Variants in MYT1L observed in about 807,000 individuals in gnomAD.
The protein encoded by MYT1L is myelin transcription factor 1 like, also known as myelin transcription factor 1-like protein.
A neutral mutation model predicts 126.7 loss-of-function variants in MYT1L; 12 were observed. The observed-to-expected ratio is 0.09, with a 90% CI of 0.06 to 0.15. MYT1L has a LOEUF of 0.15. MYT1L is among the 10% of genes least tolerant of loss of function. MYT1L has a pLI of 1.00. For synonymous variants in MYT1L, 541 were observed against 604.2 expected (o/e 0.90, Z 1.53); for missense variants, 979 against 1,585.2 (o/e 0.62, Z 6.49).
chr2:1,842,884 C>CCGCTTCCAGGCGT (rs2041962820), intron 19 of MYT1L: 1 of 168,584 alleles, frequency 5.9e-6, no homozygotes, highest in South Asian at 1.3e-4. Flanking sequence ...CTTCCAGGCG[C>CCGCTTCCAGGCGT]TTCCGCTTCC....
intron 9 of MYT1L, among the ~76,000 whole-genome samples, chr2:1,932,777 AG>A (rs1161334095): frequency 6.6e-6 from 1 of 152,164 alleles, no homozygotes; most frequent in Non-Finnish European, 1.5e-5. Flanking sequence ...GCCAAGGCCC[AG>A]GGTTGTGTGC....
intron 4 of MYT1L, among the ~76,000 whole-genome samples, chr2:2,053,284 G>A (rs529590119): frequency 2.0e-5 from 3 of 152,200 alleles, no homozygotes; most frequent in Admixed American, 6.5e-5. Context: ...AGTGTTTAAC[G>A]GGGACAGGGT....
At position 1,929,357 on chromosome 2, in the gene MYT1L, C is replaced by A. The variant is rs564197678; in HGVS notation, c.506-6094G>T. Among the ~76,000 whole-genome samples the A allele has an allele frequency of 3.9e-5, 6 of 152,260 alleles. No individual in the cohort carries two copies. In the East Asian group the frequency reaches 1.2e-3, roughly 30 times the overall value. ...CTCATCCTCTACTGCCAGTGAGGCC[C>A]TTCACTAGAAGACCCCTGAGGCGCC... On this transcript the variant is annotated intron_variant, in intron 9 of 24. Transcript: ENST00000647738. This position sits in a 1 kb window ranked among gnomAD's most constrained non-coding sequence, Gnocchi z 4.7.
At chr2:2,053,109 G>A (rs1475723457) in intron 4 of MYT1L, among the ~76,000 whole-genome samples, 3 of 152,170 alleles carry the variant, frequency 2.0e-5, no homozygotes, top group South Asian at 2.1e-4. Flanking sequence ...CCCATTCTAC[G>A]ACATGGCTGG....
intron 2 of MYT1L, among the ~76,000 whole-genome samples, chr2:2,279,122 C>A (rs2149388092): frequency 6.6e-6 from 1 of 152,266 alleles, no homozygotes; most frequent in African/African-American, 2.4e-5. Flanking sequence ...GAGCTCTCCT[C>A]AATGGATCTT....
chr2:2,301,345 T>TA (rs2149527533), intron 1 of MYT1L, among the ~76,000 whole-genome samples: 1 of 152,322 alleles, frequency 6.6e-6, no homozygotes, highest in South Asian at 2.1e-4. Context: ...TTTGCTCTCC[T>TA]ATATACCTTA....
intron 19 of MYT1L, among the ~76,000 whole-genome samples, chr2:1,850,230 TC>T (rs2043083508): frequency 1.1e-5 from 1 of 87,766 alleles, no homozygotes; most frequent in Non-Finnish European, 2.3e-5. Context: ...CTTCCTTCCT[TC>T]CTTCCTTCCT....
intron 4 of MYT1L, among the ~76,000 whole-genome samples, chr2:2,009,296 G>A (rs72767333): frequency 0.042 from 6,395 of 151,822 alleles, 199 homozygotes; most frequent in Non-Finnish European, 0.065. Flanking sequence ...ATTACTTTGG[G>A]TAGTATGGAC....
intron 23 of MYT1L, 140 bp from the exon 24 acceptor site, chr2:1,792,604 T>A: frequency 1.1e-6 from 1 of 918,758 alleles, no homozygotes; most frequent in South Asian, 2.0e-5. Context: ...GCGCCGTGGC[T>A]CACGCCTGGA....
rs1357178479 is a variant in MYT1L at position 1,790,525 on chromosome 2, CT to C, written c.*1341del. 6.6e-6 allele frequency: 1 copy of C among 152,168 alleles called. No homozygotes were observed. 9.4% of individuals were successfully genotyped at this position (152,168 alleles called of 1,614,324 possible). ...AAAAGTGCTGAAGTATATTTAGTTA[CT>C]TTTAAAATCTGATTGCATTCATTCT... On this transcript the variant is annotated 3_prime_UTR_variant, in exon 25 of 25. Transcript: ENST00000647738.
chr2:2,302,579 G>A (rs1468517879), intron 1 of MYT1L, among the ~76,000 whole-genome samples: 2 of 152,190 alleles, frequency 1.3e-5, no homozygotes, highest in Admixed American at 6.5e-5. Flanking sequence ...GCACATTCCT[G>A]TGGCGGATGT....
rs553936183 is a variant in MYT1L, at chr2:1,792,479, T to C, written c.3277-15A>G. 1.2e-6 allele frequency: 2 copies of C among 1,609,990 alleles called. No homozygotes were observed. Among genetic ancestry groups the C allele is most frequent in the African/African-American group, 2.7e-5 (2 of 75,006 alleles). On this transcript the variant is annotated splice_polypyrimidine_tract_variant and intron_variant, in intron 23 of 24. Coordinates refer to ENST00000647738, the MANE Select transcript of MYT1L (RefSeq NM_001303052.2). ...ATCGTGGTAATCTGAAACGCACAAG[T>C]GTGCGTGACATGTAACACCAGGAGG... is the stretch of plus-strand genomic sequence containing the variant.
chr2:2,006,004 A>ATGCGTTCTTTCC (rs2063283077), intron 4 of MYT1L, among the ~76,000 whole-genome samples: 1 of 143,868 alleles, frequency 7.0e-6, no homozygotes, highest in Non-Finnish European at 1.5e-5. Context: ...TCTTTCCTGC[A>ATGCGTTCTTTCC]TGCATTCTTT....
chr2:1,823,780 G>T (rs1198727731), intron 21 of MYT1L, among the ~76,000 whole-genome samples: 1 of 152,376 alleles, frequency 6.6e-6, no homozygotes, highest in Non-Finnish European at 1.5e-5. Flanking sequence ...GTGGCTGGAG[G>T]CGTGTTCAGC....
chr2:1,997,896 T>C (rs951459069), intron 4 of MYT1L, among the ~76,000 whole-genome samples: 4 of 152,256 alleles, frequency 2.6e-5, no homozygotes, highest in Admixed American at 2.0e-4. Flanking sequence ...TTATGTCATT[T>C]GGCCATCAAT....
At chr2:1,993,842 C>T (rs1488294077) in intron 5 of MYT1L, among the ~76,000 whole-genome samples, 1 of 152,202 alleles carries the variant, frequency 6.6e-6, no homozygotes, top group South Asian at 2.1e-4. Context: ...CCACGTGTCT[C>T]GTCATTTCCT....
chr2:2,178,997 G>A (rs2091126199), intron 2 of MYT1L, among the ~76,000 whole-genome samples: 2 of 152,150 alleles, frequency 1.3e-5, no homozygotes, highest in South Asian at 4.1e-4. Context: ...TAGAAAAAGT[G>A]AGGAATAGCA....
intron 21 of MYT1L, chr2:1,809,964 A>G (rs1485345013): frequency 6.6e-6 from 1 of 152,150 alleles, no homozygotes; most frequent in Non-Finnish European, 1.5e-5. Context: ...TCTTCCATGC[A>G]GTCCCGTGCC....
intron 2 of MYT1L, among the ~76,000 whole-genome samples, chr2:2,197,647 C>T (rs1335190422): frequency 6.7e-6 from 1 of 149,754 alleles, no homozygotes; most frequent in African/African-American, 2.5e-5. Context: ...ACGCATACAA[C>T]GAATGTGTAG....
Sources: allele counts gnomAD v4.1 joint callset (sites outside exome capture counted in the v4.1 genomes callset), GRCh38; gene constraint gnomAD v4.1.1; non-coding constraint Gnocchi (gnomAD v3.1); transcripts MANE v1.5; gene names NCBI Gene and HGNC (gene_info 2026-07-23, HGNC 2026-07-21).